DIXDC1: variants seen among roughly 807,000 people sequenced by gnomAD.
The protein encoded by DIXDC1 is DIX domain containing 1.
In DIXDC1, 64 loss-of-function variants were observed where a neutral mutation model predicts 103.1. The ratio of observed to expected loss-of-function variants is 0.62; its 90% CI spans 0.51 to 0.76. DIXDC1 has a LOEUF of 0.76. Ranked by LOEUF, DIXDC1 falls within the 30% of genes least tolerant of loss-of-function variation. The pLI is 0.00. For synonymous variants in DIXDC1, 266 were observed against 298.5 expected (o/e 0.89, Z 1.12); for missense variants, 759 against 834.2 (o/e 0.91, Z 1.11).
rs587726998 is a variant in DIXDC1, at chr11:111,967,075, T to C, written c.191-1438T>C. On this transcript the variant is annotated intron_variant, in intron 2 of 19. Transcript: ENST00000440460. ...GCTCCTTTCATTTTTTTGTTGGCTT[T>C]TCATTTCCTTCCTGACCTCTAATCC... Among the ~76,000 whole-genome samples the C allele has an allele frequency of 1.9e-4, 29 of 152,356 alleles. No individual in the cohort carries two copies. The South Asian group carries it at 5.8e-3, about 30-fold the overall frequency.
At chr11:111,950,594 TA>T (rs1407298423) in intron 1 of DIXDC1, among the ~76,000 whole-genome samples, 1 of 150,842 alleles carries the variant, frequency 6.6e-6, no homozygotes, top group African/African-American at 2.4e-5. Context: ...TAGCTGGGAT[TA>T]CAGGCGTGTG....
At chr11:111,993,791 G>T (rs1284661453) in intron 14 of DIXDC1, 51 bp downstream of exon 14, 4 of 1,593,088 alleles carry the variant, frequency 2.5e-6, no homozygotes, top group Non-Finnish European at 3.4e-6. Flanking sequence ...CAAACGGGGA[G>T]ATTGTGTTTC....
At chr11:111,994,770 G>A (rs782050411) in intron 14 of DIXDC1, among the ~76,000 whole-genome samples, 20 of 152,244 alleles carry the variant, frequency 1.3e-4, no homozygotes, top group Non-Finnish European at 2.5e-4. Flanking sequence ...GGGCCTCCAG[G>A]TGGAGGTTAG....
At chr11:111,987,870 G>A (rs1860549861) in intron 9 of DIXDC1, among the ~76,000 whole-genome samples, 1 of 152,010 alleles carries the variant, frequency 6.6e-6, no homozygotes, top group Non-Finnish European at 1.5e-5. Context: ...ATGTTGGCCA[G>A]GCTTGTCTTG....
At chr11:111,959,564 A>C (rs1859503555) in intron 1 of DIXDC1, among the ~76,000 whole-genome samples, 2 of 152,240 alleles carry the variant, frequency 1.3e-5, no homozygotes, top group South Asian at 4.1e-4. Flanking sequence ...CACGGGATCC[A>C]AGCCGGCAGT....
Position 112,017,750 on chromosome 11 carries a change from T to C in DIXDC1, c.1863-27T>C. On this transcript the variant is annotated intron_variant, in intron 18 of 19. Coordinates refer to ENST00000440460, the MANE Select transcript of DIXDC1 (RefSeq NM_001037954.4). This position sits in a 1 kb window ranked among gnomAD's most constrained non-coding sequence, Gnocchi z 4.0. Reference sequence around the variant, plus strand: ...TTTCCAGCTATTGATCAACAGTCTATTTTAGTGCTCTCTCCTTGTGTTGCA... The same window carrying C: ...TTTCCAGCTATTGATCAACAGTCTACTTTAGTGCTCTCTCCTTGTGTTGCA... 1 of 1,569,880 alleles carries C rather than the reference T, an allele frequency of 6.4e-7. No individual in the cohort carries two copies. Among genetic ancestry groups the C allele is most frequent in the Non-Finnish European group, 8.7e-7 (1 of 1,148,726 alleles).
intron 19 of DIXDC1, among the ~76,000 whole-genome samples, chr11:112,018,564 G>C (rs1353551417): frequency 1.3e-5 from 2 of 152,152 alleles, no homozygotes; most frequent in African/African-American, 4.8e-5. Flanking sequence ...GAAAATAACT[G>C]CATCTGAGAA....
upstream of DIXDC1, among the ~76,000 whole-genome samples, chr11:111,935,445 T>C (rs1043844978): frequency 6.6e-6 from 1 of 152,234 alleles, no homozygotes; most frequent in Non-Finnish European, 1.5e-5. Context: ...ACCTCTGGCA[T>C]AGATAACTGT....
Position 111,937,429 on chromosome 11 carries a change from A to C in DIXDC1, c.-71A>C. On this transcript the variant is annotated 5_prime_UTR_variant, in exon 1 of 20. Transcript: ENST00000440460. ...AGCTGAGCCGAGAGCCTTTGTGTGC[A>C]GAGGGAGGAGGAGGAGGCGGCGGCG... 12 of 1,542,696 alleles carry C rather than the reference A, an allele frequency of 7.8e-6. No homozygotes were observed. The South Asian group carries it at 1.4e-4, about 19-fold the overall frequency.
chr11:111,974,454 G>T lies in DIXDC1; in HGVS notation c.548+200G>T, dbSNP rs587625235. On this transcript the variant is annotated intron_variant, in intron 4 of 19. Coordinates refer to ENST00000440460, the MANE Select transcript of DIXDC1 (RefSeq NM_001037954.4). ...GATGTTTATTTTTATTTTGCATTTA[G>T]CAAAAGTAAAGGAATCTTATGTGTA... 7.3e-5 allele frequency: 44 copies of T among 604,308 alleles called. No individual in the cohort carries two copies. In the South Asian group the frequency reaches 9.6e-4, roughly 13 times the overall value. 37.4% of individuals were successfully genotyped at this position (604,308 alleles called of 1,614,324 possible). A position where few individuals can be genotyped will look rare whatever the true frequency, so the allele number is the denominator to read the frequency against.
At chr11:111,985,797 A>G (rs1440935578) in intron 8 of DIXDC1, among the ~76,000 whole-genome samples, 1 of 152,110 alleles carries the variant, frequency 6.6e-6, no homozygotes, top group Non-Finnish European at 1.5e-5. Flanking sequence ...TATGTATGCA[A>G]TATGCAACTG....
intron 7 of DIXDC1, among the ~76,000 whole-genome samples, chr11:111,982,712 C>T (rs1167749850): frequency 6.6e-6 from 1 of 152,210 alleles, no homozygotes; most frequent in Admixed American, 6.5e-5. Context: ...TTTCAGCAAG[C>T]CCAGGAGCCA....
rs1555173913 is a variant in DIXDC1 at position 111,986,880 on chromosome 11, C to A, written c.1018C>A (p.Gln340Lys). Residue 340 changes from glutamine (Q) to lysine (K), a missense_variant, in exon 9 of 20, where the codon CAA becomes AAA. Physicochemically the swap from Gln to Lys is moderately conservative, Grantham distance 53. Coordinates refer to ENST00000440460, the MANE Select transcript of DIXDC1 (RefSeq NM_001037954.4). Reference sequence around the variant, plus strand: ...TTTGTCTTATATTCAGATTATAATCCAAAGTCGTCTGGATCAGAGTATGGA... The same window carrying A: ...TTTGTCTTATATTCAGATTATAATCAAAAGTCGTCTGGATCAGAGTATGGA... ...VNPEEQLIII[Q>K]SRLDQSMEEN... 6.4e-7 allele frequency: 1 copy of A among 1,571,096 alleles called. No homozygotes were observed. The highest frequency in any genetic ancestry group is 8.6e-7 in the Non-Finnish European group (1 of 1,156,888).
At chr11:111,978,849 G>T (rs1860207488) in intron 5 of DIXDC1, among the ~76,000 whole-genome samples, 1 of 152,218 alleles carries the variant, frequency 6.6e-6, no homozygotes, top group Non-Finnish European at 1.5e-5. Flanking sequence ...TCCCATTTCT[G>T]TAAGAAGGTA....
chr11:111,985,353 A>C, intron 8 of DIXDC1, 32 bp downstream of exon 8: 2 of 1,542,800 alleles, frequency 1.3e-6, no homozygotes, highest in Non-Finnish European at 1.8e-6. Flanking sequence ...TGGACACTAA[A>C]TCTGTATGTA....
At chr11:111,985,200 T>G (rs782030793) in intron 7 of DIXDC1, 32 bp from the exon 8 acceptor site, 1 of 1,564,316 alleles carries the variant, frequency 6.4e-7, no homozygotes, top group Non-Finnish European at 8.8e-7. Context: ...TGAAGGAGAG[T>G]TAAGTTTCTT....
Position 111,955,499 on chromosome 11 carries a change from G to A in DIXDC1, c.61-9050G>A, listed in dbSNP as rs147161482. On this transcript the variant is annotated intron_variant, in intron 1 of 19. Coordinates refer to ENST00000440460, the MANE Select transcript of DIXDC1 (RefSeq NM_001037954.4). ...ACTCAAAAGAGGAACAGGCCATATG[G>A]TTCAGCAGTTCCACTTCTGGGTATA... Among the ~76,000 whole-genome samples, 370 of 152,092 alleles carry A rather than the reference G, an allele frequency of 2.4e-3. 3 individuals carry two copies. Among genetic ancestry groups the A allele is most frequent in the African/African-American group, 8.3e-3 (345 of 41,490 alleles).
In DIXDC1 at chr11:112,015,019, G is replaced by C. The variant is rs1861544143; in HGVS notation, c.1757-1672G>C. On this transcript the variant is annotated intron_variant, in intron 17 of 19. Coordinates refer to ENST00000440460, the MANE Select transcript of DIXDC1 (RefSeq NM_001037954.4). ...CCTGCCTCAGCCTCCCAGGTAGCTG[G>C]GACTACAGGCACATGCCACCACGCC... Among the ~76,000 whole-genome samples the C allele has an allele frequency of 3.9e-5, 6 of 151,934 alleles. No individual in the cohort carries two copies. The South Asian group carries it at 1.2e-3, about 32-fold the overall frequency.
At chr11:111,962,850 T>C (rs1859625370) in intron 1 of DIXDC1, among the ~76,000 whole-genome samples, 1 of 152,164 alleles carries the variant, frequency 6.6e-6, no homozygotes, top group South Asian at 2.1e-4. Context: ...AGTGGTTCAC[T>C]CTAGAGGTGC....
Sources: allele counts gnomAD v4.1 joint callset (sites outside exome capture counted in the v4.1 genomes callset), GRCh38; gene constraint gnomAD v4.1.1; non-coding constraint Gnocchi (gnomAD v3.1); transcripts MANE v1.5; gene names NCBI Gene and HGNC (gene_info 2026-07-23, HGNC 2026-07-21).